Variants in WWTR1 observed in about 807,000 individuals in gnomAD.
The protein encoded by WWTR1 is WW domain-containing transcription regulator protein 1.
In WWTR1, 13 loss-of-function variants were observed where a neutral mutation model predicts 40.1. The observed-to-expected ratio is 0.32, with a 90% confidence interval of 0.21 to 0.52. The LOEUF (loss-of-function observed/expected upper bound fraction) is 0.52. Ranked by LOEUF, WWTR1 falls within the 20% of genes least tolerant of loss-of-function variation. The pLI, the probability that WWTR1 is intolerant of heterozygous loss-of-function variation, is 0.97. For synonymous variants in WWTR1, 230 were observed against 210.1 expected (o/e 1.09, Z -0.82); for missense variants, 436 against 523.1 (o/e 0.83, Z 1.63).
chr3:149,597,771 C>A (rs1293996600), intron 2 of WWTR1, among the ~76,000 whole-genome samples: 1 of 152,166 alleles, frequency 6.6e-6, no homozygotes, highest in Non-Finnish European at 1.5e-5. Flanking sequence ...AGCAAGGAGT[C>A]CAACCTTGGA....
chr3:149,653,339 T>C (rs768913657), intron 2 of WWTR1, among the ~76,000 whole-genome samples: 2 of 152,236 alleles, frequency 1.3e-5, no homozygotes, highest in Non-Finnish European at 2.9e-5. Flanking sequence ...CCCAGCCTGA[T>C]TCATGAGATT....
chr3:149,591,893 G>T (rs527812803), intron 2 of WWTR1, among the ~76,000 whole-genome samples: 1 of 152,108 alleles, frequency 6.6e-6, no homozygotes, highest in African/African-American at 2.4e-5. Flanking sequence ...ATTGCGGGAG[G>T]GGGTAGGAGA....
intron 2 of WWTR1, among the ~76,000 whole-genome samples, chr3:149,654,581 T>G (rs1172562064): frequency 6.6e-6 from 1 of 152,142 alleles, no homozygotes; most frequent in Non-Finnish European, 1.5e-5. Context: ...CACAGCAACT[T>G]TCTCTAAATC....
chr3:149,557,911 G>A (rs1022920304), intron 3 of WWTR1, among the ~76,000 whole-genome samples: 3 of 150,612 alleles, frequency 2.0e-5, no homozygotes, highest in East Asian at 2.0e-4. Context: ...GCTGAGGCAC[G>A]AGAATCACTT....
At chr3:149,666,527 A>T (rs551470277) in intron 2 of WWTR1, among the ~76,000 whole-genome samples, 12 of 152,342 alleles carry the variant, frequency 7.9e-5, no homozygotes, top group South Asian at 4.1e-4. Flanking sequence ...CAATCTAGTT[A>T]TGATCATTAA....
chr3:149,713,008 C>T (rs1211396645), intron 5 of WWTR1, among the ~76,000 whole-genome samples: 1 of 152,136 alleles, frequency 6.6e-6, no homozygotes, highest in Non-Finnish European at 1.5e-5. Context: ...CACTTTTTCT[C>T]TCCACCCACA....
intron 3 of WWTR1, among the ~76,000 whole-genome samples, chr3:149,546,366 G>A (rs1736366331): frequency 6.6e-6 from 1 of 152,330 alleles, no homozygotes; most frequent in East Asian, 1.9e-4. Context: ...GTCCATCAGT[G>A]GGAGATATGG....
intron 2 of WWTR1, among the ~76,000 whole-genome samples, chr3:149,643,462 G>A (rs1009749000): frequency 6.6e-6 from 1 of 152,110 alleles, no homozygotes; most frequent in African/African-American, 2.4e-5. Context: ...ATCAATTAGA[G>A]TCATGTTTTT....
At position 149,651,491 on chromosome 3, in the gene WWTR1, G is replaced by A. The variant is rs1712861718; in HGVS notation, c.431+5385C>T. Among the ~76,000 whole-genome samples the A allele has an allele frequency of 2.0e-5, 3 of 152,228 alleles. No homozygotes were observed. In the South Asian group the frequency reaches 6.2e-4, roughly 32 times the overall value. ...AGCTTAGACAAAGAAGACTCGATAG[G>A]TTAGACAAGATTGAGAGCCTAGAAA... On this transcript the variant is annotated intron_variant, in intron 2 of 6. Transcript: ENST00000360632.
At chr3:149,553,481 A>G (rs1480452633) in intron 3 of WWTR1, among the ~76,000 whole-genome samples, 1 of 152,188 alleles carries the variant, frequency 6.6e-6, no homozygotes, top group Non-Finnish European at 1.5e-5. Flanking sequence ...CTCACTTTAT[A>G]GAAATGGTAG....
At chr3:149,601,974 C>A (rs1739266601) in intron 2 of WWTR1, among the ~76,000 whole-genome samples, 1 of 152,126 alleles carries the variant, frequency 6.6e-6, no homozygotes, top group Non-Finnish European at 1.5e-5. Flanking sequence ...AGAGATTTTG[C>A]CACACTAGTG....
At chr3:149,566,452 A>G (rs944230501) in intron 3 of WWTR1, among the ~76,000 whole-genome samples, 1 of 152,168 alleles carries the variant, frequency 6.6e-6, no homozygotes, top group Non-Finnish European at 1.5e-5. Flanking sequence ...ACTTTAGGCT[A>G]ATCTATGCTG....
intron 2 of WWTR1, among the ~76,000 whole-genome samples, chr3:149,608,378 A>T (rs1298164039): frequency 6.6e-6 from 1 of 151,668 alleles, no homozygotes. Context: ...GTTTCTCAAC[A>T]AATATCTAAA....
chr3:149,521,223 A>T (rs1735031385), intron 6 of WWTR1, among the ~76,000 whole-genome samples: 1 of 152,226 alleles, frequency 6.6e-6, no homozygotes, highest in Admixed American at 6.5e-5. Context: ...GGCACTGTGG[A>T]TCTGATCTAT....
intron 1 of WWTR1, among the ~76,000 whole-genome samples, chr3:149,691,559 A>G (rs1415070568): frequency 6.6e-6 from 1 of 152,118 alleles, no homozygotes; most frequent in Non-Finnish European, 1.5e-5. Context: ...GAAAACCTAG[A>G]AGAAATGAAT....
chr3:149,662,793 G>C (rs892208405), upstream of WWTR1, among the ~76,000 whole-genome samples: 1 of 152,116 alleles, frequency 6.6e-6, no homozygotes, highest in East Asian at 1.9e-4. Context: ...TCTGACCCTG[G>C]TTCTTACATG....
At chr3:149,656,797 A>G (rs1447157608) in intron 2 of WWTR1, 79 bp downstream of exon 2, 1 of 1,253,572 alleles carries the variant, frequency 8.0e-7, no homozygotes, top group East Asian at 2.5e-5. Flanking sequence ...TCTCTCACAC[A>G]CACACACACA....
In WWTR1 at chr3:149,542,435, G is replaced by A. The variant is rs766572084; in HGVS notation, c.671C>T (p.Ala224Val). 11 of 1,614,092 alleles carry A rather than the reference G, an allele frequency of 6.8e-6. No individual in the cohort carries two copies. The highest frequency in any genetic ancestry group is 2.2e-5 in the South Asian group (2 of 91,076). Residue 224 changes from alanine (A) to valine (V), a missense_variant, in exon 4 of 7, where the codon GCG becomes GTG. Ala to Val is a moderately conservative substitution (Grantham distance 64). Coordinates refer to ENST00000360632, the MANE Select transcript of WWTR1 (RefSeq NM_015472.6). ...CTGCTGCTGCTGCTGAGTGGTCAGCGCATTGGGCATACTCATGAGCCCTGC... is the reference window on the plus strand; with the variant it reads ...CTGCTGCTGCTGCTGAGTGGTCAGCACATTGGGCATACTCATGAGCCCTGC... ...PPAGLMSMPN[A>V]LTTQQQQQQK...
chr3:149,550,795 CACG>C (rs1736586999), intron 3 of WWTR1, among the ~76,000 whole-genome samples: 1 of 123,960 alleles, frequency 8.1e-6, no homozygotes, highest in Non-Finnish European at 1.7e-5. Context: ...TTTCCATAAG[CACG>C]TGATGATTTA....
Sources: allele counts gnomAD v4.1 joint callset (sites outside exome capture counted in the v4.1 genomes callset), GRCh38; gene constraint gnomAD v4.1.1; transcripts MANE v1.5; gene names NCBI Gene and HGNC (gene_info 2026-07-23, HGNC 2026-07-21).